Variants in COX7C observed in about 807,000 individuals in gnomAD.
COX7C encodes cytochrome c oxidase subunit 7C.
In COX7C, 1 loss-of-function variant was observed where a neutral mutation model predicts 6.4. The ratio of observed to expected loss-of-function variants is 0.16; its 90% confidence interval spans 0.06 to 0.74. The LOEUF is 0.74. COX7C is among the 30% of genes least tolerant of loss of function. The pLI is 0.78. For synonymous variants in COX7C, 24 were observed against 28.9 expected (o/e 0.83, Z 0.54); for missense variants, 54 against 73.7 (o/e 0.73, Z 0.98).
intron 1 of COX7C, 186 bp downstream of exon 1, chr5:86,618,316 TA>T: frequency 1.7e-6 from 1 of 599,620 alleles, no homozygotes; most frequent in Non-Finnish European, 3.0e-6. Flanking sequence ...GCGTAGCCGC[TA>T]AAGGAATGGG....
intron 1 of COX7C, chr5:86,618,343 G>A: frequency 1.9e-6 from 1 of 538,282 alleles, no homozygotes; most frequent in Non-Finnish European, 3.3e-6. Flanking sequence ...AGATCCGGAA[G>A]CCCTGCCTCC....
intron 1 of COX7C, among the ~76,000 whole-genome samples, chr5:86,618,825 C>G (rs915774339): frequency 5.3e-5 from 8 of 151,736 alleles, no homozygotes; most frequent in Admixed American, 4.6e-4. Context: ...CTAAAAAGTA[C>G]AAAAAAATTA....
intron 1 of COX7C, among the ~76,000 whole-genome samples, chr5:86,618,978 CAAAAAAAA>C (rs368187717): frequency 3.2e-5 from 2 of 62,438 alleles, no homozygotes; most frequent in Non-Finnish European, 3.4e-5. Flanking sequence ...GACTCCGTCT[CAAAAAAAA>C]AAAAAAAGAA....
In COX7C at chr5:86,617,987, T is replaced by G. The variant is rs1561267903; in HGVS notation, c.-69T>G. 1.4e-6 allele frequency: 2 copies of G among 1,471,770 alleles called. No individual in the cohort carries two copies. Among genetic ancestry groups the G allele is most frequent in the Non-Finnish European group, 1.9e-6 (2 of 1,055,046 alleles). 91.2% of individuals were successfully genotyped at this position (1,471,770 alleles called of 1,614,324 possible). ...GGGAACAAGGTCGTGAAAAAAAAGG[T>G]CTTGGTGAGGTGCCGCCATTTCATC... On this transcript the variant is annotated 5_prime_UTR_variant, in exon 1 of 3. Transcript: ENST00000247655.
chr5:86,620,574 C>CT (rs1561268934), intron 2 of COX7C, 94 bp from the exon 3 acceptor site: 1 of 389,978 alleles, frequency 2.6e-6, no homozygotes, highest in East Asian at 7.4e-5. Context: ...ATGTACTACT[C>CT]AAACTGATAG....
chr5:86,619,559 C>T (rs1318451759), intron 2 of COX7C, 63 bp downstream of exon 2: 14 of 804,614 alleles, frequency 1.7e-5, no homozygotes, highest in Non-Finnish European at 2.8e-5. Context: ...TCTTCCCCAT[C>T]ACCCAGAACA....
intron 1 of COX7C, 55 bp downstream of exon 1, chr5:86,618,185 C>T (rs530665895): frequency 8.4e-6 from 13 of 1,539,408 alleles, no homozygotes; most frequent in South Asian, 2.2e-5. Context: ...GGCTGTGACT[C>T]GCGCACCTGC....
intron 2 of COX7C, chr5:86,619,820 G>C (rs190855550): frequency 1.0e-5 from 2 of 195,396 alleles, no homozygotes; most frequent in East Asian, 2.4e-4. Flanking sequence ...CTAGTATAAT[G>C]GTGGACCAGG....
At position 86,618,320 on chromosome 5, in the gene COX7C, G is replaced by C. The variant is rs142837865; in HGVS notation, c.75+190G>C. 6.2e-3 allele frequency: 3,674 copies of C among 590,394 alleles called. 12 individuals carry two copies. Among genetic ancestry groups the C allele is most frequent in the Non-Finnish European group, 8.0e-3 (2,602 of 327,120 alleles). 36.6% of individuals were successfully genotyped at this position (590,394 alleles called of 1,614,324 possible). A position where few individuals can be genotyped will look rare whatever the true frequency, so the allele number is the denominator to read the frequency against. Reference sequence around the variant, plus strand: ...GGCATCCTAGCGCGTAGCCGCTAAAGGAATGGGCAGGTAGATCCGGAAGCC... The same window carrying C: ...GGCATCCTAGCGCGTAGCCGCTAAACGAATGGGCAGGTAGATCCGGAAGCC... On this transcript the variant is annotated intron_variant, in intron 1 of 2. Coordinates refer to ENST00000247655, the MANE Select transcript of COX7C (RefSeq NM_001867.3).
intron 1 of COX7C, chr5:86,618,352 C>G: frequency 1.9e-6 from 1 of 519,856 alleles, no homozygotes; most frequent in Non-Finnish European, 3.5e-6. Context: ...AGCCCTGCCT[C>G]CATCAGCCAC....
chr5:86,618,472 G>T, intron 1 of COX7C: 1 of 284,164 alleles, frequency 3.5e-6, no homozygotes, highest in Admixed American at 4.8e-5. Flanking sequence ...CCGAAATGAA[G>T]GTCATTGGAA....
At chr5:86,619,532 C>G in intron 2 of COX7C, 36 bp downstream of exon 2, 1 of 1,077,644 alleles carries the variant, frequency 9.3e-7, no homozygotes, top group South Asian at 1.3e-5. Context: ...TAAAGCAGGC[C>G]TTTTTATTAA....
chr5:86,618,994 GA>G (rs991696408), intron 1 of COX7C, among the ~76,000 whole-genome samples: 10 of 145,302 alleles, frequency 6.9e-5, no homozygotes, highest in South Asian at 2.2e-4. Flanking sequence ...AAAAAAAAAA[GA>G]AAAAAAAAGA....
chr5:86,617,984 A>T lies in COX7C; in HGVS notation c.-72A>T. ...CCGGGGAACAAGGTCGTGAAAAAAA[A>T]GGTCTTGGTGAGGTGCCGCCATTTC... On this transcript the variant is annotated 5_prime_UTR_variant, in exon 1 of 3. The change creates a new upstream start codon in the 5' untranslated region. Transcript: ENST00000247655. The T allele has an allele frequency of 7.0e-7, 1 of 1,420,314 alleles. No homozygotes were observed. Among genetic ancestry groups the T allele is most frequent in the Non-Finnish European group, 9.9e-7 (1 of 1,009,800 alleles). The allele number at this position is 1,420,314 out of a possible 1,614,324, so 88.0% of individuals were successfully genotyped here. A position where few individuals can be genotyped will look rare whatever the true frequency, so the allele number is the denominator to read the frequency against.
chr5:86,617,950 C>G lies in COX7C; in HGVS notation c.-106C>G, dbSNP rs535647510. 3.7e-5 allele frequency: 38 copies of G among 1,022,458 alleles called. No homozygotes were observed. The highest frequency in any genetic ancestry group is 3.1e-4 in the Middle Eastern group (1 of 3,176). The allele number at this position is 1,022,458 out of a possible 1,614,324, so 63.3% of individuals were successfully genotyped here. On this transcript the variant is annotated 5_prime_UTR_variant, in exon 1 of 3. Transcript: ENST00000247655. Reference sequence around the variant, plus strand: ...CCCATTTCCCATCTTTCTTTTCAGTCCTTGCGCACCGGGGAACAAGGTCGT... The same window carrying G: ...CCCATTTCCCATCTTTCTTTTCAGTGCTTGCGCACCGGGGAACAAGGTCGT...
At chr5:86,620,334 G>A (rs1212088197) in intron 2 of COX7C, 3 of 159,252 alleles carry the variant, frequency 1.9e-5, no homozygotes, top group Admixed American at 6.2e-5. Context: ...ATGCTCAAAG[G>A]AGTCGTTCAT....
At position 86,617,985 on chromosome 5, in the gene COX7C, G is replaced by T; in HGVS notation, c.-71G>T. 6.9e-7 allele frequency: 1 copy of T among 1,441,850 alleles called. No homozygotes were observed. The allele number at this position is 1,441,850 out of a possible 1,614,324, so 89.3% of individuals were successfully genotyped here. A position where few individuals can be genotyped will look rare whatever the true frequency, so the allele number is the denominator to read the frequency against. On this transcript the variant is annotated 5_prime_UTR_variant, in exon 1 of 3. It adds an upstream start codon to the 5' untranslated region. Transcript: ENST00000247655. ...CGGGGAACAAGGTCGTGAAAAAAAA[G>T]GTCTTGGTGAGGTGCCGCCATTTCA...
intron 1 of COX7C, 111 bp from the exon 2 acceptor site, chr5:86,619,242 T>TA: frequency 1.4e-6 from 1 of 716,022 alleles, no homozygotes; most frequent in Non-Finnish European, 2.5e-6. Context: ...TGGCATATGT[T>TA]AACCTGATGA....
chr5:86,618,591 G>A (rs905504828), intron 1 of COX7C, among the ~76,000 whole-genome samples: 5 of 152,174 alleles, frequency 3.3e-5, no homozygotes, highest in African/African-American at 1.2e-4. Context: ...TTGGCCTCAG[G>A]TGTAAATAAC....
Sources: gnomAD v4.1 joint callset for allele counts (sites outside exome capture counted in the v4.1 genomes callset) on GRCh38, gnomAD v4.1.1 for gene constraint, MANE v1.5 for transcripts, NCBI Gene and HGNC (gene_info 2026-07-23, HGNC 2026-07-21) for gene names.